SEMA3A: variants seen among roughly 807,000 people sequenced by gnomAD.
The protein encoded by SEMA3A is semaphorin 3A.
A neutral mutation model predicts 97.9 loss-of-function variants in SEMA3A; 29 were observed. The observed-to-expected ratio is 0.30, with a 90% CI of 0.22 to 0.40. The LOEUF (loss-of-function observed/expected upper bound fraction) is 0.40, where lower values mean the gene tolerates loss of function less well. SEMA3A is among the 10% of genes least tolerant of loss of function. The probability of loss-of-function intolerance (pLI) is 1.00; values close to 1 mark genes in which losing one functional copy is unlikely to be tolerated. For missense variants in SEMA3A, 763 were observed against 951.3 expected (o/e 0.80, Z 2.60); for synonymous variants, 321 against 323.7 (o/e 0.99, Z 0.09).
chr7:84,060,465 C>T lies in SEMA3A; in HGVS notation c.547G>A (p.Asp183Asn). Residue 183 changes from aspartate (D) to asparagine (N), a missense_variant and splice_region_variant, in exon 5 of 17, where the codon GAT (aspartate) becomes AAT (asparagine). This residue lies in a region of SEMA3A where 678 missense variants were observed against 881.3 expected (regional missense o/e 0.77). Transcript: ENST00000265362. ...ATTTAATTGATTGTTGACTACGCAC[C>T]TATTAAAAGGGATGCTGTCAGCAGC... is the stretch of plus-strand genomic sequence containing the variant. ...PKLLTASLLIDGELYSGTAAD... is the reference protein window; with the variant it reads ...PKLLTASLLINGELYSGTAAD... 2.5e-6 allele frequency: 4 copies of T among 1,569,344 alleles called. No individual in the cohort carries two copies. The highest frequency in any genetic ancestry group is 2.6e-6 in the Non-Finnish European group (3 of 1,160,706).
chr7:84,030,966 T>A (rs1182547971), intron 6 of SEMA3A, among the ~76,000 whole-genome samples: 4 of 151,636 alleles, frequency 2.6e-5, no homozygotes, highest in African/African-American at 9.7e-5. Context: ...TATATTTGCT[T>A]CTAGTGTTAC....
chr7:84,066,545 CT>C (rs1793507158), intron 4 of SEMA3A, among the ~76,000 whole-genome samples: 1 of 149,836 alleles, frequency 6.7e-6, no homozygotes, highest in Non-Finnish European at 1.5e-5. Flanking sequence ...CCAAAATCTC[CT>C]TAAGCTGATA....
chr7:84,030,143 G>A (rs1203420830), intron 6 of SEMA3A, among the ~76,000 whole-genome samples: 1 of 152,016 alleles, frequency 6.6e-6, no homozygotes, highest in African/African-American at 2.4e-5. Context: ...GTAAACCAAG[G>A]CAGCAAACCT....
chr7:84,036,040 A>T (rs1473997102), intron 6 of SEMA3A, among the ~76,000 whole-genome samples: 1 of 152,076 alleles, frequency 6.6e-6, no homozygotes, highest in African/African-American at 2.4e-5. Flanking sequence ...GGGTGTATTT[A>T]GACAAAGGAA....
chr7:84,056,917 C>T (rs549060001), intron 5 of SEMA3A, among the ~76,000 whole-genome samples: 2 of 152,156 alleles, frequency 1.3e-5, no homozygotes, highest in Non-Finnish European at 2.9e-5. Flanking sequence ...TACACAAGCA[C>T]CGAAAATAAT....
intron 1 of SEMA3A, among the ~76,000 whole-genome samples, chr7:84,403,763 T>G (rs902956050): frequency 1.3e-5 from 2 of 152,122 alleles, no homozygotes; most frequent in Non-Finnish European, 2.9e-5. Context: ...CAGCCACCAC[T>G]GCTGATACCC....
chr7:84,333,823 G>A (rs189252769), intron 2 of SEMA3A, among the ~76,000 whole-genome samples: 1 of 151,898 alleles, frequency 6.6e-6, no homozygotes, highest in African/African-American at 2.4e-5. Context: ...TAAGCCTTGG[G>A]GCATCAGGGA....
chr7:84,379,966 A>T (rs1803214486), intron 1 of SEMA3A, among the ~76,000 whole-genome samples: 2 of 152,176 alleles, frequency 1.3e-5, no homozygotes, highest in Non-Finnish European at 2.9e-5. Flanking sequence ...TAAAAACGTA[A>T]ATGAAAGTTA....
At chr7:83,988,791 A>T (rs1394268099) in intron 12 of SEMA3A, among the ~76,000 whole-genome samples, 1 of 151,940 alleles carries the variant, frequency 6.6e-6, no homozygotes. Context: ...CTATGCAGAG[A>T]TATAATCTTT....
intron 12 of SEMA3A, among the ~76,000 whole-genome samples, chr7:83,995,021 C>A (rs1018801232): frequency 3.3e-5 from 5 of 152,006 alleles, no homozygotes; most frequent in Admixed American, 6.6e-5. Context: ...TCTCTTGGTG[C>A]GCCGTTTTTT....
At chr7:84,049,171 C>T (rs942735637) in intron 5 of SEMA3A, among the ~76,000 whole-genome samples, 8 of 152,010 alleles carry the variant, frequency 5.3e-5, no homozygotes, top group Admixed American at 3.3e-4. Context: ...AGTTTAGGCA[C>T]CAGTTGCCTC....
intron 12 of SEMA3A, among the ~76,000 whole-genome samples, chr7:84,001,065 ACG>A (rs1487418958): frequency 9.1e-5 from 8 of 88,058 alleles, no homozygotes; most frequent in Admixed American, 1.1e-4. Flanking sequence ...TTCTTCTAAT[ACG>A]TGTTTTTTTT....
upstream of SEMA3A, among the ~76,000 whole-genome samples, chr7:84,196,598 A>T (rs866564216): frequency 6.6e-6 from 1 of 152,168 alleles, no homozygotes; most frequent in African/African-American, 2.4e-5. Flanking sequence ...ATCCAAAAAT[A>T]ATGTTGATTT....
At chr7:84,066,565 C>T (rs983510235) in intron 4 of SEMA3A, among the ~76,000 whole-genome samples, 2 of 150,078 alleles carry the variant, frequency 1.3e-5, no homozygotes, top group South Asian at 2.2e-4. Context: ...TAAGCAACTT[C>T]AGCAAAGTCT....
At chr7:84,479,305 T>A (rs2116429090) in intron 1 of SEMA3A, among the ~76,000 whole-genome samples, 1 of 152,308 alleles carries the variant, frequency 6.6e-6, no homozygotes, top group Middle Eastern at 3.4e-3. Context: ...AAAAAAAGTC[T>A]TTATGTCTAT....
At chr7:84,273,617 G>A (rs946719555) in intron 3 of SEMA3A, among the ~76,000 whole-genome samples, 2 of 152,052 alleles carry the variant, frequency 1.3e-5, no homozygotes, top group Non-Finnish European at 2.9e-5. Flanking sequence ...CCAAACCATC[G>A]TTATATGAAA....
Position 84,003,364 on chromosome 7 carries a change from T to C in SEMA3A, c.1361-1318A>G, listed in dbSNP as rs1024455673. ...AACTTTATCTCTTTTCCAGATCAAG[T>C]TTTACTGAGTAGTATTTCAAACAAT... is the stretch of plus-strand genomic sequence containing the variant. On this transcript the variant is annotated intron_variant, in intron 11 of 16. Transcript: ENST00000265362. Among the ~76,000 whole-genome samples, 4 of 152,130 alleles carry C rather than the reference T, an allele frequency of 2.6e-5. No individual in the cohort carries two copies. The East Asian group carries it at 7.7e-4, about 29-fold the overall frequency.
At chr7:84,249,408 T>TATC (rs1799553803) in intron 3 of SEMA3A, among the ~76,000 whole-genome samples, 1 of 151,822 alleles carries the variant, frequency 6.6e-6, no homozygotes, top group Non-Finnish European at 1.5e-5. Context: ...TCTATCTATC[T>TATC]ATCTATCTAT....
chr7:84,093,924 T>A (rs1312626128), intron 4 of SEMA3A, among the ~76,000 whole-genome samples: 3 of 146,556 alleles, frequency 2.0e-5, no homozygotes, highest in African/African-American at 7.7e-5. Flanking sequence ...TCCTAGAACT[T>A]AAAAAAAAAA....
Sources: allele counts gnomAD v4.1 joint callset (sites outside exome capture counted in the v4.1 genomes callset), GRCh38; gene constraint gnomAD v4.1.1; regional missense constraint gnomAD v4.1.1; transcripts MANE v1.5; gene names NCBI Gene and HGNC (gene_info 2026-07-23, HGNC 2026-07-21).